LPCAT1: variants seen among roughly 807,000 people sequenced by gnomAD.
LPCAT1 encodes 1-acylglycerol-3-phosphate O-acyltransferase.
Under a neutral mutation model 60.9 loss-of-function variants are expected in LPCAT1, and 23 were observed. The ratio of observed to expected loss-of-function variants is 0.38; its 90% CI spans 0.27 to 0.53. The LOEUF is 0.53. Ranked by LOEUF, LPCAT1 falls within the 20% of genes least tolerant of loss-of-function variation. LPCAT1 has a pLI of 0.82. For missense variants in LPCAT1, 622 were observed against 723.6 expected, an observed-to-expected ratio of 0.86 and a Z score of 1.61; for synonymous variants, 340 against 301.1, an observed-to-expected ratio of 1.13 and a Z score of -1.34.
chr5:1,474,761 G>A lies in LPCAT1; in HGVS notation c.900-76C>T, dbSNP rs897369040. The stretch of plus-strand genomic sequence containing the variant: ...CCACCGCCCCACCAGAATAACCGCC[G>A]ATGGCTCAGGGGAGAGGAGGGCTGA... On this transcript the variant is annotated intron_variant, in intron 9 of 13. Transcript: ENST00000283415. 23 of 1,538,272 alleles carry A rather than the reference G, an allele frequency of 1.5e-5. No individual in the cohort carries two copies. The African/African-American group carries it at 1.9e-4, about 13-fold the overall frequency.
At chr5:1,466,705 C>T (rs1227236107) in intron 13 of LPCAT1, 44 bp downstream of exon 13, 1 of 1,584,148 alleles carries the variant, frequency 6.3e-7, no homozygotes, top group Admixed American at 1.7e-5. Flanking sequence ...CTGTCCAGCC[C>T]CCGCCCAAGG....
chr5:1,504,538 G>C (rs191007450), intron 1 of LPCAT1, among the ~76,000 whole-genome samples: 4 of 152,246 alleles, frequency 2.6e-5, no homozygotes, highest in Admixed American at 2.6e-4. Flanking sequence ...CCAACATGGA[G>C]AACCCATCTC....
chr5:1,519,901 T>G (rs1390730049), intron 1 of LPCAT1, among the ~76,000 whole-genome samples: 1 of 152,154 alleles, frequency 6.6e-6, no homozygotes, highest in African/African-American at 2.4e-5. Context: ...CTCCTGCACA[T>G]CCTCCACAGG....
At chr5:1,513,394 G>A (rs536241604) in intron 1 of LPCAT1, among the ~76,000 whole-genome samples, 36 of 152,266 alleles carry the variant, frequency 2.4e-4, no homozygotes, top group Admixed American at 3.3e-4. Flanking sequence ...TTCCATTGCT[G>A]CCTGGTGACC....
In LPCAT1 at chr5:1,477,341, CAG is replaced by C. The variant is rs1734959416; in HGVS notation, c.899+61_899+62del. On this transcript the variant is annotated intron_variant, in intron 9 of 13. Transcript: ENST00000283415. This position sits in a 1 kb window ranked among gnomAD's most constrained non-coding sequence, Gnocchi z 6.0. ...AACGCTGTTGCCTATTTTAAATATA[CAG>C]AGAGCAGCACTCTGGGAGACACCCC... 4 of 1,340,920 alleles carry C rather than the reference CAG, an allele frequency of 3.0e-6. No individual in the cohort carries two copies. The highest frequency in any genetic ancestry group is 4.2e-6 in the Non-Finnish European group (4 of 945,404). 83.1% of individuals were successfully genotyped at this position (1,340,920 alleles called of 1,614,324 possible).
intron 1 of LPCAT1, among the ~76,000 whole-genome samples, chr5:1,507,030 G>T (rs1736207327): frequency 6.6e-6 from 1 of 152,234 alleles, no homozygotes; most frequent in Non-Finnish European, 1.5e-5. Context: ...TAAGCGGGCT[G>T]TTGCGTGGAC....
intron 1 of LPCAT1, among the ~76,000 whole-genome samples, chr5:1,506,078 C>T (rs1380096955): frequency 1.3e-5 from 2 of 152,222 alleles, no homozygotes; most frequent in Non-Finnish European, 2.9e-5. Flanking sequence ...CGCTGATCCT[C>T]GGCAAACAGG....
At chr5:1,489,126 G>A (rs1036874750) in intron 4 of LPCAT1, among the ~76,000 whole-genome samples, 1 of 152,236 alleles carries the variant, frequency 6.6e-6, no homozygotes, top group Non-Finnish European at 1.5e-5. Context: ...CCAAATGGGT[G>A]GGGGAGGAGA....
intron 12 of LPCAT1, 162 bp from the exon 13 acceptor site, chr5:1,467,052 T>A: frequency 1.6e-6 from 1 of 634,346 alleles, no homozygotes; most frequent in Non-Finnish European, 2.3e-6. Context: ...TGTGGAGCCA[T>A]GCAGCAGGGC....
intron 1 of LPCAT1, among the ~76,000 whole-genome samples, chr5:1,513,033 G>C (rs1736403182): frequency 6.6e-6 from 1 of 152,172 alleles, no homozygotes; most frequent in African/African-American, 2.4e-5. Context: ...GAGAAATCAG[G>C]AGTAGAGAGT....
chr5:1,483,512 GCCCATGGC>G lies in LPCAT1; in HGVS notation c.668-34_668-27del. The G allele has an allele frequency of 6.2e-7, 1 of 1,611,090 alleles. No individual in the cohort carries two copies. Among genetic ancestry groups the G allele is most frequent in the Non-Finnish European group, 8.5e-7 (1 of 1,177,846 alleles). On this transcript the variant is annotated intron_variant, in intron 5 of 13. Transcript: ENST00000283415. This position sits in a 1 kb window ranked among gnomAD's most constrained non-coding sequence, Gnocchi z 9.2. The stretch of plus-strand genomic sequence containing the variant: ...CTGCCGAGAAAGGAACAGCGGTGTT[GCCCATGGC>G]AGCCCACGCAGGACAGCGTCTGCTG...
At chr5:1,498,242 C>A (rs891516314) in intron 2 of LPCAT1, among the ~76,000 whole-genome samples, 1 of 152,224 alleles carries the variant, frequency 6.6e-6, no homozygotes, top group Non-Finnish European at 1.5e-5. Flanking sequence ...TCCTCCTGAT[C>A]CCTTACGTCC....
rs114322204 is a variant in LPCAT1, at chr5:1,493,702, G to C, written c.493+998C>G. The stretch of plus-strand genomic sequence containing the variant: ...GAGGACAGAGCTCTGGTGGGTCAGG[G>C]CTGCGCACAGGTGGGTGAGGGGCCA... On this transcript the variant is annotated intron_variant, in intron 3 of 13. Coordinates refer to ENST00000283415, the MANE Select transcript of LPCAT1 (RefSeq NM_024830.5). Among the ~76,000 whole-genome samples the C allele has an allele frequency of 4.3e-3, 655 of 152,372 alleles. 3 individuals carry two copies. The highest frequency in any genetic ancestry group is 0.015 in the African/African-American group (632 of 41,596).
chr5:1,466,420 G>A (rs978578843), intron 13 of LPCAT1, among the ~76,000 whole-genome samples: 8 of 152,206 alleles, frequency 5.3e-5, no homozygotes, highest in Non-Finnish European at 1.2e-4. Context: ...CCCACAGCCA[G>A]TGGCCTCGAG....
At chr5:1,474,993 A>T (rs142874214) in intron 9 of LPCAT1, among the ~76,000 whole-genome samples, 1 of 152,372 alleles carries the variant, frequency 6.6e-6, no homozygotes, top group East Asian at 1.9e-4. Context: ...AAGTGAGCTC[A>T]TGGTGCGAGA....
chr5:1,463,540 ACAGTGC>A lies in LPCAT1; in HGVS notation c.*105_*110del. ...GAGGCCCCTGGAACTCGGGCTGAAG[ACAGTGC>A]CTGTACAGCAGGAGTGAGGAGCGGA... On this transcript the variant is annotated 3_prime_UTR_variant, in exon 14 of 14. Coordinates refer to ENST00000283415, the MANE Select transcript of LPCAT1 (RefSeq NM_024830.5). The A allele has an allele frequency of 8.4e-7, 1 of 1,194,396 alleles. No homozygotes were observed. Among genetic ancestry groups the A allele is most frequent in the African/African-American group, 1.5e-5 (1 of 65,358 alleles). The allele number at this position is 1,194,396 out of a possible 1,614,324, so 74.0% of individuals were successfully genotyped here.
Position 1,522,733 on chromosome 5 carries a change from C to T in LPCAT1, c.135+977G>A, listed in dbSNP as rs1736712094. On this transcript the variant is annotated intron_variant, in intron 1 of 13. Coordinates refer to ENST00000283415, the MANE Select transcript of LPCAT1 (RefSeq NM_024830.5). This position sits in a 1 kb window ranked among gnomAD's most constrained non-coding sequence, Gnocchi z 6.8. ...CTATTCTCACAATTGGAAGCGTGCT[C>T]CCTACAAACCGGACAGCCCCATAGG... Among the ~76,000 whole-genome samples, 1 of 152,204 alleles carries T rather than the reference C, an allele frequency of 6.6e-6. No homozygotes were observed. The highest frequency in any genetic ancestry group is 2.1e-4 in the South Asian group (1 of 4,830).
chr5:1,483,283 C>T lies in LPCAT1; in HGVS notation c.726+145G>A, dbSNP rs576170780. 46 of 933,674 alleles carry T rather than the reference C, an allele frequency of 4.9e-5. No individual in the cohort carries two copies. The highest frequency in any genetic ancestry group is 2.5e-4 in the East Asian group (10 of 40,404). The allele number at this position is 933,674 out of a possible 1,614,324, so 57.8% of individuals were successfully genotyped here. A position where few individuals can be genotyped will look rare whatever the true frequency, so the allele number is the denominator to read the frequency against. ...GTCCTGCCCTCTCCAGCGCTGAGGCCGGATGGACTCAGCATGGCCAAGTGT... is the reference window on the plus strand; with the variant it reads ...GTCCTGCCCTCTCCAGCGCTGAGGCTGGATGGACTCAGCATGGCCAAGTGT... On this transcript the variant is annotated intron_variant, in intron 6 of 13. Coordinates refer to ENST00000283415, the MANE Select transcript of LPCAT1 (RefSeq NM_024830.5). The surrounding 1 kb of genome is among the most constrained non-coding windows in gnomAD (Gnocchi z 9.2).
chr5:1,483,370 C>T lies in LPCAT1; in HGVS notation c.726+58G>A. On this transcript the variant is annotated intron_variant, in intron 6 of 13. Coordinates refer to ENST00000283415, the MANE Select transcript of LPCAT1 (RefSeq NM_024830.5). This position sits in a 1 kb window ranked among gnomAD's most constrained non-coding sequence, Gnocchi z 9.2. ...GACACAGGTGCACAGAGGCAGCTCG[C>T]AGTTCCCGTTTCCCGGAGAATTCCC... The T allele has an allele frequency of 6.4e-7, 1 of 1,553,206 alleles. No individual in the cohort carries two copies.
Sources: gnomAD v4.1 joint callset for allele counts (sites outside exome capture counted in the v4.1 genomes callset) on GRCh38, gnomAD v4.1.1 for gene constraint, Gnocchi (gnomAD v3.1) non-coding constraint, MANE v1.5 for transcripts, NCBI Gene and HGNC (gene_info 2026-07-23, HGNC 2026-07-21) for gene names.